The following IL1RAPL2 variants were observed in gnomAD, a reference collection of about 807,000 sequenced individuals.
The protein encoded by IL1RAPL2 is interleukin 1 receptor accessory protein like 2.
A neutral mutation model predicts 44.1 loss-of-function variants in IL1RAPL2; 3 were observed. The ratio of observed to expected loss-of-function variants is 0.07; its 90% confidence interval spans 0.03 to 0.18. The LOEUF (loss-of-function observed/expected upper bound fraction) is 0.18. IL1RAPL2 is among the 10% of genes least tolerant of loss of function. The pLI is 1.00. For synonymous variants in IL1RAPL2, 181 were observed against 178.8 expected (o/e 1.01, Z -0.10); for missense variants, 391 against 496.4 (o/e 0.79, Z 2.02).
chrX:105,459,910 A>T (rs1272623200), intron 5 of IL1RAPL2, among the ~76,000 whole-genome samples: 2 of 111,657 alleles, frequency 1.8e-5, no homozygotes, highest in Non-Finnish European at 3.8e-5. Flanking sequence ...ATTAGTTGGC[A>T]AAATTGGTAC....
rs191301992 is a variant in IL1RAPL2, at chrX:104,976,783, C to T, written c.83-218692C>T. Among the ~76,000 whole-genome samples the T allele has an allele frequency of 6.3e-5, 7 of 110,458 alleles. No homozygotes were observed. In the East Asian group the frequency reaches 2.0e-3, roughly 32 times the overall value. On this transcript the variant is annotated intron_variant, in intron 2 of 10. Transcript: ENST00000372582. ...ATCTGTGGGGCATCCAACAGTGAAC[C>T]CCAAAGGCCTGATTGGGGCCACAGA...
rs1324112461 is a variant in IL1RAPL2, at chrX:105,318,112, A to G, written c.697+50571A>G. Among the ~76,000 whole-genome samples the G allele has an allele frequency of 8.2e-5, 9 of 109,680 alleles. No homozygotes were observed. In the Admixed American group the frequency reaches 8.8e-4, roughly 11 times the overall value. ...CTCAGCCTCCCGAGTAGCTGGGACT[A>G]CAGGCGCCCGCCACCACGCCTGGCT... On this transcript the variant is annotated intron_variant, in intron 5 of 10. Coordinates refer to ENST00000372582, the MANE Select transcript of IL1RAPL2 (RefSeq NM_017416.2).
intron 2 of IL1RAPL2, among the ~76,000 whole-genome samples, chrX:104,773,218 CT>C (rs753476145): frequency 8.9e-6 from 1 of 111,797 alleles, no homozygotes; most frequent in East Asian, 2.8e-4. Flanking sequence ...TAAAGTACAA[CT>C]TTTTAGTCTT....
intron 5 of IL1RAPL2, among the ~76,000 whole-genome samples, chrX:105,354,385 A>G (rs989698936): frequency 4.2e-4 from 45 of 108,410 alleles, no homozygotes; most frequent in African/African-American, 1.4e-3. Flanking sequence ...CATCATTCTC[A>G]GCAAACTATC....
chrX:105,740,435 C>T lies in IL1RAPL2; in HGVS notation c.903-111C>T. On this transcript the variant is annotated intron_variant, in intron 7 of 10. Coordinates refer to ENST00000372582, the MANE Select transcript of IL1RAPL2 (RefSeq NM_017416.2). ...ACACATACACCCAGCCAGGATTCTC[C>T]ACGCCCATCATCAGAGACCTGTGTG... 5.4e-6 allele frequency: 4 copies of T among 735,801 alleles called. No individual in the cohort carries two copies. In the Admixed American group the frequency reaches 8.6e-5, roughly 16 times the overall value. 60.6% of individuals were successfully genotyped at this position (735,801 alleles called of 1,213,427 possible).
intron 2 of IL1RAPL2, among the ~76,000 whole-genome samples, chrX:105,071,611 C>G (rs59503351): frequency 2.7e-5 from 3 of 111,665 alleles, no homozygotes; most frequent in Non-Finnish European, 3.8e-5. Context: ...TCTATCTGAT[C>G]TGAAAATTTA....
intron 1 of IL1RAPL2, among the ~76,000 whole-genome samples, chrX:104,588,910 A>G (rs1928612105): frequency 8.9e-6 from 1 of 111,878 alleles, no homozygotes; most frequent in African/African-American, 3.2e-5. Context: ...TATGTCCAAG[A>G]CATGGTTTAT....
At chrX:105,749,519 C>T (rs187011018) in intron 9 of IL1RAPL2, among the ~76,000 whole-genome samples, 57 of 111,444 alleles carry the variant, frequency 5.1e-4, no homozygotes, top group South Asian at 1.9e-3. Context: ...CATTTATAGC[C>T]ATTGCTGCCA....
intron 2 of IL1RAPL2, among the ~76,000 whole-genome samples, chrX:105,080,654 T>A (rs900901607): frequency 9.8e-5 from 11 of 112,031 alleles, no homozygotes; most frequent in Non-Finnish European, 1.9e-4. Context: ...GGTAGTGTGA[T>A]GCCTCAAGCT....
At chrX:104,876,668 T>TTC (rs1491264147) in intron 2 of IL1RAPL2, among the ~76,000 whole-genome samples, 40 of 105,185 alleles carry the variant, frequency 3.8e-4, no homozygotes, top group Non-Finnish European at 6.8e-4. Flanking sequence ...TTTTTTTTTT[T>TTC]CAAGGGACAT....
intron 2 of IL1RAPL2, among the ~76,000 whole-genome samples, chrX:104,782,606 A>G (rs991707235): frequency 9.0e-6 from 1 of 111,690 alleles, no homozygotes; most frequent in Non-Finnish European, 1.9e-5. Flanking sequence ...TGAACCATCA[A>G]GTTAATCCTT....
chrX:105,461,600 G>T, intron 5 of IL1RAPL2, among the ~76,000 whole-genome samples: 1 of 111,506 alleles, frequency 9.0e-6, no homozygotes. Flanking sequence ...TGTCTGAAGA[G>T]TAAGCTTCTA....
intron 2 of IL1RAPL2, among the ~76,000 whole-genome samples, chrX:104,842,874 T>A (rs1424733039): frequency 8.9e-6 from 1 of 112,585 alleles, no homozygotes; most frequent in Non-Finnish European, 1.9e-5. Flanking sequence ...GGGGGTCAGG[T>A]ACACACTCGA....
intron 7 of IL1RAPL2, among the ~76,000 whole-genome samples, chrX:105,730,415 T>A (rs1178469141): frequency 3.6e-5 from 4 of 111,044 alleles, no homozygotes; most frequent in Non-Finnish European, 5.7e-5. Context: ...TAAAATAATA[T>A]CTGGGGACTT....
At chrX:105,622,390 A>G (rs2037426090) in intron 6 of IL1RAPL2, among the ~76,000 whole-genome samples, 1 of 110,101 alleles carries the variant, frequency 9.1e-6, no homozygotes, top group South Asian at 3.9e-4. Flanking sequence ...GTGTACATCT[A>G]AGTACATAGG....
chrX:105,392,658 A>G (rs1034852671), intron 5 of IL1RAPL2, among the ~76,000 whole-genome samples: 1 of 111,893 alleles, frequency 8.9e-6, no homozygotes, highest in African/African-American at 3.3e-5. Context: ...CTGTAGTCCT[A>G]ATAATACATT....
chrX:105,173,117 C>T (rs889828678), intron 2 of IL1RAPL2, among the ~76,000 whole-genome samples: 3 of 110,772 alleles, frequency 2.7e-5, no homozygotes, highest in Non-Finnish European at 3.8e-5. Context: ...AAGATTTTCC[C>T]ATCCCCAAGT....
rs944054840 is a variant in IL1RAPL2, at chrX:105,138,176, C to A, written c.83-57299C>A. Among the ~76,000 whole-genome samples the A allele has an allele frequency of 3.6e-5, 4 of 111,652 alleles. No individual in the cohort carries two copies. In the Admixed American group the frequency reaches 3.8e-4, roughly 11 times the overall value. On this transcript the variant is annotated intron_variant, in intron 2 of 10. Transcript: ENST00000372582. ...AGGAAGCTGCCTGCCTATGCTTGGT[C>A]AGATGACAGCCACTAGTATTAAGTC...
chrX:105,294,585 G>A (rs1358456752), intron 5 of IL1RAPL2, among the ~76,000 whole-genome samples: 2 of 112,176 alleles, frequency 1.8e-5, no homozygotes, highest in East Asian at 2.8e-4. Context: ...TTAGCTGACT[G>A]TGTTTGATGA....
Sources: allele counts gnomAD v4.1 joint callset (sites outside exome capture counted in the v4.1 genomes callset), GRCh38; gene constraint gnomAD v4.1.1; transcripts MANE v1.5; gene names NCBI Gene and HGNC (gene_info 2026-07-23, HGNC 2026-07-21).